The following OSBPL10 variants were observed in gnomAD, a reference collection of about 807,000 sequenced individuals.
OSBPL10 encodes the protein oxysterol binding protein like 10.
OSBPL10 carries 49 observed loss-of-function variants against 81.7 expected under a neutral mutation model. The observed-to-expected ratio is 0.60, with a 90% CI of 0.48 to 0.76. The LOEUF (loss-of-function observed/expected upper bound fraction) is 0.76, where lower values mean the gene tolerates loss of function less well. Among genes scored for constraint, OSBPL10 ranks in the 30% least tolerant of loss-of-function variants. The pLI is 0.00. For synonymous variants in OSBPL10, 419 were observed against 383.6 expected, an observed-to-expected ratio of 1.09 and a Z score of -1.08; for missense variants, 923 against 987.8, an observed-to-expected ratio of 0.93 and a Z score of 0.88.
intron 4 of OSBPL10, among the ~76,000 whole-genome samples, chr3:31,785,092 C>T (rs536326663): frequency 6.6e-6 from 1 of 152,122 alleles, no homozygotes; most frequent in Admixed American, 6.5e-5. Context: ...CCTCTATTAG[C>T]CAGGCTGGTC....
rs181941406 is a variant in OSBPL10 at position 32,076,749 on chromosome 3, G to T, written n.185+647C>A. Among the ~76,000 whole-genome samples the T allele has an allele frequency of 3.5e-4, 54 of 152,194 alleles. 2 individuals carry two copies. In the South Asian group the frequency reaches 0.011, roughly 30 times the overall value. ...AGTTTTTAAGGATAATTTGGTAGGT[G>T]GGGGGCCAGTGAGTCAGAAGTGCTG... On this transcript the variant is annotated intron_variant and non_coding_transcript_variant, in intron 1 of 3. Coordinates refer to the OSBPL10 transcript ENST00000479173.
intron 1 of OSBPL10, among the ~76,000 whole-genome samples, chr3:31,910,841 ATACT>A (rs1172208998): frequency 6.6e-6 from 1 of 152,184 alleles, no homozygotes; most frequent in Non-Finnish European, 1.5e-5. Flanking sequence ...TATTTATAGC[ATACT>A]TAAATTAATT....
intron 11 of OSBPL10, chr3:31,662,540 AGTC>A (rs1700093419): frequency 7.9e-6 from 8 of 1,006,692 alleles, no homozygotes; most frequent in Non-Finnish European, 9.5e-6. Context: ...AGCAGGCAGT[AGTC>A]ACAAACAAAT....
intron 5 of OSBPL10, 42 bp from the exon 6 acceptor site, chr3:31,733,453 T>C (rs780160287): frequency 1.9e-6 from 3 of 1,610,898 alleles, no homozygotes; most frequent in Admixed American, 3.3e-5. Flanking sequence ...TTTTCCAAAT[T>C]AAACATTTAT....
intron 3 of OSBPL10, among the ~76,000 whole-genome samples, chr3:31,833,025 T>C (rs970315141): frequency 2.0e-5 from 3 of 152,178 alleles, no homozygotes; most frequent in Non-Finnish European, 4.4e-5. Context: ...TTGGACATAA[T>C]GAATTGGAAT....
At chr3:32,032,736 A>G (rs1699485156) in intron 2 of OSBPL10, among the ~76,000 whole-genome samples, 1 of 152,226 alleles carries the variant, frequency 6.6e-6, no homozygotes, top group Non-Finnish European at 1.5e-5. Flanking sequence ...AACACTGTTA[A>G]TCTCCAGCTC....
At chr3:31,965,604 A>T (rs867018787) in intron 1 of OSBPL10, among the ~76,000 whole-genome samples, 1 of 50,200 alleles carries the variant, frequency 2.0e-5, no homozygotes, top group Non-Finnish European at 3.5e-5. Flanking sequence ...ATATTATATA[A>T]TATATTATAT....
chr3:31,671,655 T>C (rs941125182), intron 8 of OSBPL10, among the ~76,000 whole-genome samples: 4 of 152,198 alleles, frequency 2.6e-5, no homozygotes, highest in African/African-American at 9.6e-5. Context: ...AGTGGGACTC[T>C]GTAACACTTA....
chr3:31,989,505 T>G, intron 2 of OSBPL10: 1 of 1,614,192 alleles, frequency 6.2e-7, no homozygotes, highest in Non-Finnish European at 8.5e-7. Flanking sequence ...ACAGATATGA[T>G]CGAAGGCATC....
chr3:31,849,671 A>T (rs996947183), intron 3 of OSBPL10, among the ~76,000 whole-genome samples: 2 of 152,200 alleles, frequency 1.3e-5, no homozygotes, highest in Non-Finnish European at 2.9e-5. Context: ...TATGCATTCC[A>T]CTAAATATCA....
chr3:32,038,440 G>A (rs1481545631), intron 2 of OSBPL10, among the ~76,000 whole-genome samples: 1 of 152,150 alleles, frequency 6.6e-6, no homozygotes, highest in Admixed American at 6.5e-5. Flanking sequence ...TGTTGCTTCA[G>A]CCTCCGGAGT....
chr3:31,683,656 C>T lies in OSBPL10; in HGVS notation c.1704G>A (p.Val568=). 1 of 1,613,046 alleles carries T rather than the reference C, an allele frequency of 6.2e-7. No individual in the cohort carries two copies. Among genetic ancestry groups the T allele is most frequent in the Non-Finnish European group, 8.5e-7 (1 of 1,179,162 alleles). ...TACCTTCCCCTATCATAGAGACCCC[C>T]ACGGACATGCCCATGAACTTGCTTT... is the stretch of plus-strand genomic sequence containing the variant. ...WTKSKFMGMS[V]GVSMIGEGVL... The change falls in exon 8 of 12, where the codon GTG becomes GTA. Residue 568 remains valine, a synonymous_variant. Transcript: ENST00000396556.
intron 7 of OSBPL10, among the ~76,000 whole-genome samples, chr3:31,688,975 C>A (rs1211422326): frequency 2.6e-5 from 4 of 152,134 alleles, no homozygotes; most frequent in Non-Finnish European, 5.9e-5. Flanking sequence ...TTCAAAGGCT[C>A]CAAAGGAGCC....
At chr3:31,754,611 G>A (rs780703853) in intron 4 of OSBPL10, among the ~76,000 whole-genome samples, 5 of 152,132 alleles carry the variant, frequency 3.3e-5, no homozygotes, top group African/African-American at 4.8e-5. Flanking sequence ...CCACTAGGTC[G>A]TCAATGAGCT....
At chr3:31,701,810 A>C (rs1451895607) in intron 7 of OSBPL10, 1 of 153,622 alleles carries the variant, frequency 6.5e-6, no homozygotes, top group Non-Finnish European at 1.4e-5. Context: ...ACTCAGCACC[A>C]AGAAGAGTTG....
At chr3:31,768,976 C>A (rs1031635493) in intron 4 of OSBPL10, among the ~76,000 whole-genome samples, 1 of 152,074 alleles carries the variant, frequency 6.6e-6, no homozygotes, top group African/African-American at 2.4e-5. Context: ...AAAGAATGGA[C>A]ACCTTTGGCA....
chr3:31,871,336 G>A (rs996566140), intron 3 of OSBPL10, among the ~76,000 whole-genome samples: 3 of 151,864 alleles, frequency 2.0e-5, no homozygotes, highest in Admixed American at 1.3e-4. Flanking sequence ...CACTACGAAG[G>A]ACTGCAGCTT....
At chr3:31,807,406 A>G (rs1699548122) in intron 4 of OSBPL10, among the ~76,000 whole-genome samples, 1 of 130,494 alleles carries the variant, frequency 7.7e-6, no homozygotes. Flanking sequence ...AATAAATAAG[A>G]TTCACTCTGC....
At chr3:31,840,525 T>C (rs1198032639) in intron 3 of OSBPL10, among the ~76,000 whole-genome samples, 1 of 152,230 alleles carries the variant, frequency 6.6e-6, no homozygotes, top group Non-Finnish European at 1.5e-5. Context: ...CACTAATTAC[T>C]ATTCCAAGCT....
Sources: gnomAD v4.1 joint callset for allele counts (sites outside exome capture counted in the v4.1 genomes callset) on GRCh38, gnomAD v4.1.1 for gene constraint, MANE v1.5 for transcripts, NCBI Gene and HGNC (gene_info 2026-07-23, HGNC 2026-07-21) for gene names.